Variants in SDK1 observed in about 807,000 individuals in gnomAD.
SDK1 encodes protein sidekick-1.
SDK1 carries 157 observed loss-of-function variants against 245.5 expected under a neutral mutation model. That is an observed-to-expected ratio of 0.64 (90% CI 0.56 to 0.73). SDK1 has a LOEUF of 0.73. Among genes scored for constraint, SDK1 ranks in the 30% least tolerant of loss-of-function variants. The pLI is 0.00. For synonymous variants in SDK1, 1,647 were observed against 1,278.5 expected (o/e 1.29, Z -6.15); for missense variants, 3,583 against 3,002.3 (o/e 1.19, Z -4.52).
chr7:3,556,691 G>T (rs1032419386), intron 1 of SDK1, among the ~76,000 whole-genome samples: 5 of 151,998 alleles, frequency 3.3e-5, no homozygotes, highest in African/African-American at 1.2e-4. Flanking sequence ...GTGTGGTGGT[G>T]CACACCTGTA....
chr7:3,849,170 G>A (rs543839795), intron 5 of SDK1, among the ~76,000 whole-genome samples: 8 of 152,258 alleles, frequency 5.3e-5, no homozygotes, highest in African/African-American at 1.9e-4. Context: ...CTCCTCTGCT[G>A]GACTGTTCTT....
At chr7:4,223,533 G>T (rs958407119) in intron 40 of SDK1, among the ~76,000 whole-genome samples, 2 of 152,174 alleles carry the variant, frequency 1.3e-5, no homozygotes, top group Non-Finnish European at 1.5e-5. Flanking sequence ...GGGCTGACAG[G>T]TGCTTCACCC....
At chr7:3,341,033 A>G (rs1299870148) in intron 1 of SDK1, among the ~76,000 whole-genome samples, 2 of 152,184 alleles carry the variant, frequency 1.3e-5, no homozygotes, top group Non-Finnish European at 2.9e-5. Flanking sequence ...TTGTGAGTCT[A>G]GTATTACCCT....
intron 1 of SDK1, among the ~76,000 whole-genome samples, chr7:3,470,721 G>A (rs551806999): frequency 6.6e-6 from 1 of 152,160 alleles, no homozygotes; most frequent in Non-Finnish European, 1.5e-5. Context: ...GCCAGCAGGA[G>A]AATCCAGTTT....
intron 1 of SDK1, among the ~76,000 whole-genome samples, chr7:3,331,408 A>G (rs147394820): frequency 8.5e-5 from 13 of 152,358 alleles, no homozygotes; most frequent in South Asian, 2.1e-4. Flanking sequence ...AATGTTGAGC[A>G]TCTTTTCATG....
chr7:4,239,553 C>T lies in SDK1; in HGVS notation c.6130+1769C>T, dbSNP rs569696572. Among the ~76,000 whole-genome samples, 50 of 152,216 alleles carry T rather than the reference C, an allele frequency of 3.3e-4. No individual in the cohort carries two copies. In the South Asian group the frequency reaches 0.01, roughly 31 times the overall value. On this transcript the variant is annotated intron_variant, in intron 42 of 44. Transcript: ENST00000404826. Reference sequence around the variant, plus strand: ...GCCTGTTTTTTGTTTTTTAAATAGACGGGTTTCACCATGTTGGCCAGGCTG... The same window carrying T: ...GCCTGTTTTTTGTTTTTTAAATAGATGGGTTTCACCATGTTGGCCAGGCTG...
chr7:3,837,245 C>A (rs1780048579), intron 5 of SDK1, among the ~76,000 whole-genome samples: 1 of 152,170 alleles, frequency 6.6e-6, no homozygotes, highest in Non-Finnish European at 1.5e-5. Flanking sequence ...CCCGACTAGA[C>A]ATTTGTGGCC....
chr7:3,322,489 G>A (rs77747429), intron 1 of SDK1, among the ~76,000 whole-genome samples: 3,402 of 152,090 alleles, frequency 0.022, 135 homozygotes, highest in African/African-American at 0.077. Context: ...TTTGGTATAT[G>A]CCTAGAAGTT....
chr7:3,809,801 C>T (rs1779340915), intron 4 of SDK1, among the ~76,000 whole-genome samples: 1 of 152,150 alleles, frequency 6.6e-6, no homozygotes, highest in Non-Finnish European at 1.5e-5. Context: ...CCTTTATCTG[C>T]ACAAGGGAAG....
intron 1 of SDK1, among the ~76,000 whole-genome samples, chr7:3,454,546 T>A (rs1277243859): frequency 6.6e-6 from 1 of 152,146 alleles, no homozygotes; most frequent in Non-Finnish European, 1.5e-5. Context: ...AACTATCCCT[T>A]CCCAATCTCT....
intron 22 of SDK1, among the ~76,000 whole-genome samples, chr7:4,091,010 C>T (rs1461692437): frequency 6.6e-6 from 1 of 152,106 alleles, no homozygotes; most frequent in African/African-American, 2.4e-5. Context: ...GGGCTGCTGC[C>T]CTGCTTGGAC....
chr7:3,942,185 C>T lies in SDK1; in HGVS notation c.848-8738C>T, dbSNP rs568243706. 5.9e-5 allele frequency among the ~76,000 whole-genome samples: 9 copies of T among 152,286 alleles called. No individual in the cohort carries two copies. In the East Asian group the frequency reaches 7.7e-4, roughly 13 times the overall value. On this transcript the variant is annotated intron_variant, in intron 5 of 44. Coordinates refer to ENST00000404826, the MANE Select transcript of SDK1 (RefSeq NM_152744.4). ...CCTCCCAAAGTGCTGGGATTACAGG[C>T]GTGAGCCACTGCACCCGGCCAAGAC...
chr7:3,650,148 C>G (rs1782965390), intron 4 of SDK1, among the ~76,000 whole-genome samples: 2 of 152,160 alleles, frequency 1.3e-5, no homozygotes, highest in South Asian at 2.1e-4. Context: ...CTCCTGGGCT[C>G]AAGCCGTCCT....
intron 1 of SDK1, among the ~76,000 whole-genome samples, chr7:3,557,552 A>T (rs907528166): frequency 6.6e-6 from 1 of 152,214 alleles, no homozygotes; most frequent in Non-Finnish European, 1.5e-5. Context: ...ATTTTATAGA[A>T]TTAAGTACAC....
intron 4 of SDK1, among the ~76,000 whole-genome samples, chr7:3,670,043 C>T (rs1433833527): frequency 6.6e-6 from 1 of 152,194 alleles, no homozygotes; most frequent in African/African-American, 2.4e-5. Context: ...TGTTATCCCA[C>T]AAATCTACTC....
intron 1 of SDK1, among the ~76,000 whole-genome samples, chr7:3,599,504 G>A (rs1191324869): frequency 1.3e-5 from 2 of 152,078 alleles, no homozygotes; most frequent in Non-Finnish European, 2.9e-5. Flanking sequence ...TTTCTTTTGT[G>A]CATTATGCTT....
chr7:3,627,384 C>A (rs1782154618), intron 2 of SDK1, among the ~76,000 whole-genome samples: 1 of 152,204 alleles, frequency 6.6e-6, no homozygotes. Context: ...TGGGACAATT[C>A]TGTGCAGGCT....
chr7:3,394,672 T>A (rs1781847267), intron 1 of SDK1, among the ~76,000 whole-genome samples: 1 of 152,080 alleles, frequency 6.6e-6, no homozygotes, highest in Non-Finnish European at 1.5e-5. Context: ...TCTCATCATT[T>A]AAAAAAACTT....
rs554586687 is a variant in SDK1 at position 3,357,587 on chromosome 7, A to G, written c.298+55703A>G. ...AGCCTTGAACACCTGTGCTCAAGCA[A>G]TCCTCCTCCCTTGGCCTCCCGAAGT... On this transcript the variant is annotated intron_variant, in intron 1 of 44. Transcript: ENST00000404826. 7.5e-4 allele frequency among the ~76,000 whole-genome samples: 114 copies of G among 151,554 alleles called. 1 individual carries two copies. Among genetic ancestry groups the G allele is most frequent in the African/African-American group, 2.3e-3 (96 of 41,340 alleles).
Sources: gnomAD v4.1 joint callset for allele counts (sites outside exome capture counted in the v4.1 genomes callset) on GRCh38, gnomAD v4.1.1 for gene constraint, MANE v1.5 for transcripts, NCBI Gene and HGNC (gene_info 2026-07-23, HGNC 2026-07-21) for gene names.